Variants in ARHGEF19 observed in about 807,000 individuals in gnomAD.
ARHGEF19 encodes the protein Rho guanine nucleotide exchange factor (GEF) 19.
A neutral mutation model predicts 87.6 loss-of-function variants in ARHGEF19; 92 were observed. The ratio of observed to expected loss-of-function variants is 1.05; its 90% CI spans 0.89 to 1.25. The LOEUF is 1.25. Among genes scored for constraint, ARHGEF19 ranks in the 50% most tolerant of loss-of-function variants. The pLI is 0.00. For missense variants in ARHGEF19, 1,054 were observed against 1,051.8 expected, an observed-to-expected ratio of 1.00 and a Z score of -0.03; for synonymous variants, 438 against 446.2, an observed-to-expected ratio of 0.98 and a Z score of 0.23.
chr1:16,209,925 C>A (rs2081184046), intron 1 of ARHGEF19, among the ~76,000 whole-genome samples: 1 of 152,222 alleles, frequency 6.6e-6, no homozygotes, highest in African/African-American at 2.4e-5. Context: ...CAAAGAGGTG[C>A]CCCAGCACCC....
chr1:16,211,598 CA>C (rs34693808), intron 1 of ARHGEF19, among the ~76,000 whole-genome samples: 44,424 of 151,870 alleles, frequency 0.29, 7,518 homozygotes, highest in African/African-American at 0.48. Context: ...AGGTCCCTAG[CA>C]GGGAAGAAGT....
Position 16,202,590 on chromosome 1 carries a change from A to AGG in ARHGEF19, c.1908-18_1908-17dup, listed in dbSNP as rs1375204154. ...CTTCCCTAGCCTGGAGGACCGGGGG[A>AGG]GGGGAGGTCAGCCTGGCCTGGGCCC... On this transcript the variant is annotated splice_polypyrimidine_tract_variant and intron_variant, in intron 12 of 15. Coordinates refer to ENST00000270747, the MANE Select transcript of ARHGEF19 (RefSeq NM_153213.5). The AGG allele has an allele frequency of 3.1e-6, 5 of 1,607,384 alleles. No individual in the cohort carries two copies. The African/African-American group carries it at 6.7e-5, about 21-fold the overall frequency.
chr1:16,207,160 G>A lies in ARHGEF19; in HGVS notation c.925C>T (p.Arg309Trp), dbSNP rs2081147773. The A allele has an allele frequency of 1.3e-6, 2 of 1,529,210 alleles. No individual in the cohort carries two copies. Among genetic ancestry groups the A allele is most frequent in the South Asian group, 1.2e-5 (1 of 83,004 alleles). 94.7% of individuals were successfully genotyped at this position (1,529,210 alleles called of 1,614,324 possible). The change falls in exon 6 of 16, where the codon CGG becomes TGG. Residue 309 changes from arginine to tryptophan, a missense_variant. Coordinates refer to ENST00000270747, the MANE Select transcript of ARHGEF19 (RefSeq NM_153213.5). This position sits in a 1 kb window ranked among gnomAD's most constrained non-coding sequence, Gnocchi z 4.0. ...GGGCCCTCCTCCTCGCGCTGCTGCC[G>A]CCGCAGTTCGCGGGCGCTGGCCACG... ...SDVASARELR[R>W]QQREEEGPGD...
chr1:16,209,173 T>A (rs2081175477), intron 1 of ARHGEF19, 90 bp from the exon 2 acceptor site: 6 of 820,886 alleles, frequency 7.3e-6, no homozygotes, highest in Non-Finnish European at 1.0e-5. Context: ...AACCCCTGTG[T>A]ACACTTGTGT....
intron 14 of ARHGEF19, among the ~76,000 whole-genome samples, chr1:16,199,594 A>ATACCC (rs1220596450): frequency 6.6e-6 from 1 of 152,022 alleles, no homozygotes; most frequent in Non-Finnish European, 1.5e-5. Flanking sequence ...CTGCCCCCAG[A>ATACCC]TACCCCACAG....
At chr1:16,208,300 C>T in intron 2 of ARHGEF19, 75 bp from the exon 3 acceptor site, 1 of 1,509,606 alleles carries the variant, frequency 6.6e-7, no homozygotes, top group Non-Finnish European at 8.9e-7. Flanking sequence ...GCCCCTGGCC[C>T]TGAGCACCTG....
At chr1:16,202,706 C>T in intron 12 of ARHGEF19, 132 bp from the exon 13 acceptor site, 3 of 1,200,326 alleles carry the variant, frequency 2.5e-6, no homozygotes, top group East Asian at 2.5e-5. Flanking sequence ...CTCACAGGGT[C>T]CTGCTTCTGG....
At position 16,207,232 on chromosome 1, in the gene ARHGEF19, G is replaced by A; in HGVS notation, c.875-22C>T. ...ACGGCTGGGGGAAAGACGGGCGGGG[G>A]AGAGCGTGGGGCGCCCGCCAGCCCC... On this transcript the variant is annotated intron_variant, in intron 5 of 15. Coordinates refer to ENST00000270747, the MANE Select transcript of ARHGEF19 (RefSeq NM_153213.5). The surrounding 1 kb of genome is among the most constrained non-coding windows in gnomAD (Gnocchi z 4.0). The A allele has an allele frequency of 2.0e-6, 3 of 1,487,648 alleles. No individual in the cohort carries two copies. Among genetic ancestry groups the A allele is most frequent in the Non-Finnish European group, 2.7e-6 (3 of 1,123,848 alleles). The allele number at this position is 1,487,648 out of a possible 1,614,324, so 92.2% of individuals were successfully genotyped here. A position where few individuals can be genotyped will look rare whatever the true frequency, so the allele number is the denominator to read the frequency against.
chr1:16,211,290 C>A (rs1250363831), intron 1 of ARHGEF19, among the ~76,000 whole-genome samples: 1 of 152,172 alleles, frequency 6.6e-6, no homozygotes, highest in African/African-American at 2.4e-5. Flanking sequence ...GGGTCTCTTT[C>A]TCTGCAGGAA....
At position 16,207,478 on chromosome 1, in the gene ARHGEF19, C is replaced by A; in HGVS notation, c.874+44G>T. 6.2e-7 allele frequency: 1 copy of A among 1,608,686 alleles called. No homozygotes were observed. Among genetic ancestry groups the A allele is most frequent in the Non-Finnish European group, 8.5e-7 (1 of 1,175,770 alleles). On this transcript the variant is annotated intron_variant, in intron 5 of 15. Coordinates refer to ENST00000270747, the MANE Select transcript of ARHGEF19 (RefSeq NM_153213.5). This position sits in a 1 kb window ranked among gnomAD's most constrained non-coding sequence, Gnocchi z 4.0. ...CTTTTCCCCGTTTCCACACCGCAGC[C>A]CCTTCCTCCGTTACCTCCTCCCAGG...
At chr1:16,209,118 A>T in intron 1 of ARHGEF19, 35 bp from the exon 2 acceptor site, 1 of 1,378,538 alleles carries the variant, frequency 7.3e-7, no homozygotes, top group African/African-American at 1.5e-5. Flanking sequence ...TAGACAGAGG[A>T]CAGTGGGGCT....
rs1033764595 is a variant in ARHGEF19 at position 16,204,576 on chromosome 1, T to C, written c.1907+183A>G. 4.6e-5 allele frequency among the ~76,000 whole-genome samples: 7 copies of C among 152,186 alleles called. No homozygotes were observed. In the East Asian group the frequency reaches 7.7e-4, roughly 17 times the overall value. On this transcript the variant is annotated intron_variant, in intron 12 of 15. Coordinates refer to ENST00000270747, the MANE Select transcript of ARHGEF19 (RefSeq NM_153213.5). ...GCCCTTGATTCTCCCTTCTGGAACATGGACTTGTCTCACATCTCTGCCTTT... is the reference window on the plus strand; with the variant it reads ...GCCCTTGATTCTCCCTTCTGGAACACGGACTTGTCTCACATCTCTGCCTTT...
chr1:16,211,381 T>G (rs2081195856), intron 1 of ARHGEF19, among the ~76,000 whole-genome samples: 1 of 152,200 alleles, frequency 6.6e-6, no homozygotes, highest in South Asian at 2.1e-4. Flanking sequence ...CCTGCCCCTT[T>G]GTATGCTGGG....
Position 16,208,029 on chromosome 1 carries a change from G to A in ARHGEF19, c.609C>T (p.Thr203=), listed in dbSNP as rs375332806. Residue 203 remains threonine (T), a synonymous_variant, in exon 3 of 16, where the codon ACC becomes ACT. Transcript: ENST00000270747. Reference sequence around the variant, plus strand: ...CCAGGCGCAGAGAAGAGTGCAGCCGGGTCATCAGCTCCGATGCCGAGAAGC... The same window carrying A: ...CCAGGCGCAGAGAAGAGTGCAGCCGAGTCATCAGCTCCGATGCCGAGAAGC... The part of the protein sequence containing the change: ...RRRFSASELM[T]RLHSSLRLGR... The A allele has an allele frequency of 3.3e-4, 527 of 1,613,528 alleles. No homozygotes were observed. Among genetic ancestry groups the A allele is most frequent in the Non-Finnish European group, 4.3e-4 (512 of 1,180,022 alleles).
intron 12 of ARHGEF19, 136 bp from the exon 13 acceptor site, chr1:16,202,710 CT>C: frequency 8.6e-7 from 1 of 1,157,784 alleles, no homozygotes; most frequent in Non-Finnish European, 1.2e-6. Flanking sequence ...CAGGGTCCTG[CT>C]TCTGGATAGG....
chr1:16,207,240 G>C lies in ARHGEF19; in HGVS notation c.875-30C>G, dbSNP rs369758651. The C allele has an allele frequency of 7.5e-6, 11 of 1,476,072 alleles. No homozygotes were observed. The highest frequency in any genetic ancestry group is 7.1e-5 in the African/African-American group (5 of 70,672). 91.4% of individuals were successfully genotyped at this position (1,476,072 alleles called of 1,614,324 possible). Reference sequence around the variant, plus strand: ...GGGAAAGACGGGCGGGGGAGAGCGTGGGGCGCCCGCCAGCCCCTGCCCGGC... The same window carrying C: ...GGGAAAGACGGGCGGGGGAGAGCGTCGGGCGCCCGCCAGCCCCTGCCCGGC... On this transcript the variant is annotated intron_variant, in intron 5 of 15. Coordinates refer to ENST00000270747, the MANE Select transcript of ARHGEF19 (RefSeq NM_153213.5). The surrounding 1 kb of genome is among the most constrained non-coding windows in gnomAD (Gnocchi z 4.0).
Position 16,206,495 on chromosome 1 carries a change from C to G in ARHGEF19, c.1138-155G>C. 1 of 760,458 alleles carries G rather than the reference C, an allele frequency of 1.3e-6. No homozygotes were observed. The highest frequency in any genetic ancestry group is 1.8e-5 in the African/African-American group (1 of 56,370). 47.1% of individuals were successfully genotyped at this position (760,458 alleles called of 1,614,324 possible). ...GGCGCCGGGCGGGCCCGGCGACCCA[C>G]GTCCCGCCGCGGGAAATTGTGCAAG... is the stretch of plus-strand genomic sequence containing the variant. On this transcript the variant is annotated intron_variant, in intron 6 of 15. Transcript: ENST00000270747. The surrounding 1 kb of genome is among the most constrained non-coding windows in gnomAD (Gnocchi z 4.6).
At chr1:16,202,827 C>T (rs1208498296) in intron 12 of ARHGEF19, among the ~76,000 whole-genome samples, 3 of 152,142 alleles carry the variant, frequency 2.0e-5, no homozygotes, top group Non-Finnish European at 4.4e-5. Flanking sequence ...ACACTTTTGA[C>T]CTTTCTCTCT....
chr1:16,211,254 GCAC>G (rs1365850347), intron 1 of ARHGEF19, among the ~76,000 whole-genome samples: 1 of 151,204 alleles, frequency 6.6e-6, no homozygotes, highest in Non-Finnish European at 1.5e-5. Flanking sequence ...GCAGGAGTGT[GCAC>G]AAGGAGGCCC....
Sources: gnomAD v4.1 joint callset for allele counts (sites outside exome capture counted in the v4.1 genomes callset) on GRCh38, gnomAD v4.1.1 for gene constraint, Gnocchi (gnomAD v3.1) non-coding constraint, MANE v1.5 for transcripts, NCBI Gene and HGNC (gene_info 2026-07-23, HGNC 2026-07-21) for gene names.